SEMA5A: variants seen among roughly 807,000 people sequenced by gnomAD.
SEMA5A encodes the protein semaphorin 5A, also known as semaphorin-5A.
In SEMA5A, 55 loss-of-function variants were observed where a neutral mutation model predicts 135.5. The ratio of observed to expected loss-of-function variants is 0.41; its 90% CI spans 0.33 to 0.51. The LOEUF (loss-of-function observed/expected upper bound fraction) is 0.51. Ranked by LOEUF, SEMA5A falls within the 20% of genes least tolerant of loss-of-function variation. SEMA5A has a pLI of 0.37. For missense variants in SEMA5A, 1,290 were observed against 1,419.9 expected, an observed-to-expected ratio of 0.91 and a Z score of 1.47; for synonymous variants, 580 against 546.5, an observed-to-expected ratio of 1.06 and a Z score of -0.85.
intron 1 of SEMA5A, among the ~76,000 whole-genome samples, chr5:9,543,593 G>A (rs1346406109): frequency 6.6e-6 from 1 of 152,140 alleles, no homozygotes; most frequent in Non-Finnish European, 1.5e-5. Flanking sequence ...GACATAAAAT[G>A]ATTAGCATCA....
chr5:9,471,636 G>C (rs1023075481), intron 1 of SEMA5A, among the ~76,000 whole-genome samples: 6 of 152,172 alleles, frequency 3.9e-5, no homozygotes, highest in African/African-American at 1.4e-4. Context: ...GTAGCAAAGA[G>C]AGTTTTTAAA....
chr5:9,395,249 C>T lies in SEMA5A; in HGVS notation c.-77-15226G>A, dbSNP rs533738507. Among the ~76,000 whole-genome samples the T allele has an allele frequency of 9.9e-5, 15 of 152,058 alleles. No individual in the cohort carries two copies. In the East Asian group the frequency reaches 1.9e-3, roughly 20 times the overall value. On this transcript the variant is annotated intron_variant, in intron 2 of 22. Transcript: ENST00000382496. Reference sequence around the variant, plus strand: ...CATGGAGGGAACCATTGCTGCAGTACGGAAAAGAAAAAACTGGTTCAAAGA... The same window carrying T: ...CATGGAGGGAACCATTGCTGCAGTATGGAAAAGAAAAAACTGGTTCAAAGA...
intron 11 of SEMA5A, among the ~76,000 whole-genome samples, chr5:9,157,885 G>A (rs1053004482): frequency 1.3e-5 from 2 of 152,220 alleles, no homozygotes; most frequent in African/African-American, 4.8e-5. Flanking sequence ...ACAATAGCAG[G>A]ACCCTGGTGG....
In SEMA5A at chr5:9,231,094, G is replaced by GA. The variant is rs368866756; in HGVS notation, c.334-4128dup. 3.6e-3 allele frequency among the ~76,000 whole-genome samples: 539 copies of GA among 151,772 alleles called. 3 individuals are homozygous for GA. Among genetic ancestry groups the GA allele is most frequent in the African/African-American group, 0.013 (521 of 41,414 alleles). ...CTGAAACAGAATGTGAAAACACAGG[G>GA]AAAAAAAAGAAAGTAGAAGTATTTA... On this transcript the variant is annotated intron_variant, in intron 6 of 22. Transcript: ENST00000382496.
chr5:9,127,341 T>C (rs974019645), intron 13 of SEMA5A, among the ~76,000 whole-genome samples: 7 of 152,160 alleles, frequency 4.6e-5, no homozygotes, highest in African/African-American at 1.7e-4. Context: ...TGGGAATGCC[T>C]CTAAGATTTC....
chr5:9,372,302 C>T lies in SEMA5A; in HGVS notation c.124+7521G>A, dbSNP rs1411795777. On this transcript the variant is annotated intron_variant, in intron 3 of 22. Transcript: ENST00000382496. ...CATTAGACACCAGACAGCCAAATCC[C>T]AGAGAAGAAACAGAGCATCATGAGA... Among the ~76,000 whole-genome samples the T allele has an allele frequency of 2.0e-5, 3 of 152,222 alleles. No homozygotes were observed. In the East Asian group the frequency reaches 5.8e-4, roughly 29 times the overall value.
chr5:9,071,701 C>T (rs987751633), intron 16 of SEMA5A, among the ~76,000 whole-genome samples: 12 of 152,030 alleles, frequency 7.9e-5, no homozygotes, highest in Non-Finnish European at 1.6e-4. Context: ...ATTTTGATAC[C>T]ACATGCTCAG....
intron 5 of SEMA5A, among the ~76,000 whole-genome samples, chr5:9,262,820 G>A (rs1482570625): frequency 1.4e-4 from 16 of 118,516 alleles, no homozygotes; most frequent in Admixed American, 1.1e-3. Flanking sequence ...TGGGTGCAGC[G>A]CACCAGCATG....
chr5:9,490,474 C>T (rs552531774), intron 1 of SEMA5A, among the ~76,000 whole-genome samples: 1 of 152,162 alleles, frequency 6.6e-6, no homozygotes, highest in African/African-American at 2.4e-5. Context: ...AATTATTACA[C>T]TAAAATTATG....
At chr5:9,539,651 G>A (rs1737969712) in intron 1 of SEMA5A, among the ~76,000 whole-genome samples, 1 of 151,962 alleles carries the variant, frequency 6.6e-6, no homozygotes, top group African/African-American at 2.4e-5. Flanking sequence ...TTCAGATTTG[G>A]GATTTTCTCA....
intron 2 of SEMA5A, among the ~76,000 whole-genome samples, chr5:9,417,978 C>CT (rs113658144): frequency 7.1e-4 from 98 of 138,532 alleles, no homozygotes; most frequent in East Asian, 4.3e-3. Flanking sequence ...AGTGTCTCTT[C>CT]TTTTTTTTTT....
At chr5:9,343,173 G>A (rs868593331) in intron 3 of SEMA5A, among the ~76,000 whole-genome samples, 2 of 143,664 alleles carry the variant, frequency 1.4e-5, no homozygotes, top group Non-Finnish European at 3.1e-5. Flanking sequence ...GTTAATAAGG[G>A]TGATGATCTA....
At chr5:9,116,476 A>G (rs543234877) in intron 15 of SEMA5A, among the ~76,000 whole-genome samples, 4 of 152,318 alleles carry the variant, frequency 2.6e-5, no homozygotes, top group African/African-American at 9.6e-5. Flanking sequence ...AAGTACATGT[A>G]AAAATTAAGC....
intron 5 of SEMA5A, among the ~76,000 whole-genome samples, chr5:9,277,736 G>A (rs1333151327): frequency 1.3e-5 from 2 of 152,028 alleles, no homozygotes; most frequent in Non-Finnish European, 2.9e-5. Context: ...AACACCACAT[G>A]TTCTCACTCA....
At chr5:9,251,210 C>T (rs1464161438) in intron 5 of SEMA5A, among the ~76,000 whole-genome samples, 1 of 152,150 alleles carries the variant, frequency 6.6e-6, no homozygotes, top group Non-Finnish European at 1.5e-5. Flanking sequence ...TGGCACCAAA[C>T]TCTTGGACCT....
At position 9,205,984 on chromosome 5, in the gene SEMA5A, A is replaced by G. The variant is rs944285370; in HGVS notation, c.647-3744T>C. On this transcript the variant is annotated intron_variant, in intron 8 of 22. Transcript: ENST00000382496. Reference sequence around the variant, plus strand: ...TCAAATAGCTCTTATATTTATTGATATAAATTTGGAAGTAGGGGATGTTAG... The same window carrying G: ...TCAAATAGCTCTTATATTTATTGATGTAAATTTGGAAGTAGGGGATGTTAG... Among the ~76,000 whole-genome samples the G allele has an allele frequency of 3.3e-5, 5 of 152,374 alleles. No homozygotes were observed. In the South Asian group the frequency reaches 8.3e-4, roughly 25 times the overall value.
intron 7 of SEMA5A, among the ~76,000 whole-genome samples, chr5:9,226,487 G>A (rs1747316639): frequency 6.6e-6 from 1 of 151,988 alleles, no homozygotes; most frequent in Non-Finnish European, 1.5e-5. Flanking sequence ...CTTGGATTGT[G>A]ATTTTAGACC....
intron 5 of SEMA5A, among the ~76,000 whole-genome samples, chr5:9,275,290 C>T (rs531744434): frequency 4.6e-5 from 7 of 151,448 alleles, no homozygotes; most frequent in African/African-American, 1.4e-4. Context: ...AGGAAGAAGT[C>T]GAATCCTTGA....
At chr5:9,158,988 T>A (rs548644945) in intron 11 of SEMA5A, among the ~76,000 whole-genome samples, 1 of 152,346 alleles carries the variant, frequency 6.6e-6, no homozygotes, top group Admixed American at 6.5e-5. Flanking sequence ...TTAGTATTAG[T>A]ATGCACTATT....
Sources: gnomAD v4.1 joint callset for allele counts (sites outside exome capture counted in the v4.1 genomes callset) on GRCh38, gnomAD v4.1.1 for gene constraint, MANE v1.5 for transcripts, NCBI Gene and HGNC (gene_info 2026-07-23, HGNC 2026-07-21) for gene names.